The following SEC22B variants were observed in gnomAD, a reference collection of about 807,000 sequenced individuals.
The protein encoded by SEC22B is vesicle-trafficking protein SEC22b.
A neutral mutation model predicts 31.4 loss-of-function variants in SEC22B; 10 were observed. The ratio of observed to expected loss-of-function variants is 0.32; its 90% CI spans 0.20 to 0.54. SEC22B has a LOEUF of 0.54. Among genes scored for constraint, SEC22B ranks in the 20% least tolerant of loss-of-function variants. The pLI is 0.94. For synonymous variants in SEC22B, 60 were observed against 95.9 expected (o/e 0.63, Z 2.19); for missense variants, 130 against 263.4 (o/e 0.49, Z 3.50).
intron 2 of SEC22B, among the ~76,000 whole-genome samples, chr1:120,165,078 G>A (rs1470975399): frequency 2.0e-5 from 3 of 152,016 alleles, no homozygotes; most frequent in Non-Finnish European, 4.4e-5. Context: ...CATGTCTTTT[G>A]TCCATTTTTT....
At chr1:120,166,059 G>T (rs1657801954) in intron 2 of SEC22B, among the ~76,000 whole-genome samples, 5 of 150,944 alleles carry the variant, frequency 3.3e-5, no homozygotes, top group Admixed American at 3.3e-4. Flanking sequence ...CTAATCTTCA[G>T]GTAAATGTAA....
At chr1:120,170,957 A>T (rs1657886537) in intron 1 of SEC22B, among the ~76,000 whole-genome samples, 1 of 120,830 alleles carries the variant, frequency 8.3e-6, no homozygotes, top group East Asian at 2.1e-4. Flanking sequence ...TAATAAAATT[A>T]ATTTATTAAA....
intron 2 of SEC22B, among the ~76,000 whole-genome samples, chr1:120,167,810 T>G (rs1488345778): frequency 2.6e-5 from 4 of 152,192 alleles, no homozygotes; most frequent in Non-Finnish European, 5.9e-5. Flanking sequence ...AGAAAATCTC[T>G]TCTCAATTCC....
chr1:120,157,717 C>T (rs1406944525), intron 4 of SEC22B: 1 of 145,128 alleles, frequency 6.9e-6, no homozygotes, highest in East Asian at 2.0e-4. Context: ...ACTCAGATAA[C>T]CAGAAAATTC....
chr1:120,161,274 G>A (rs1357731247), intron 3 of SEC22B, among the ~76,000 whole-genome samples: 1 of 152,182 alleles, frequency 6.6e-6, no homozygotes, highest in Non-Finnish European at 1.5e-5. Context: ...AAGGGTTCAT[G>A]ATCATTAAAA....
chr1:120,168,602 T>C (rs1657848323), intron 2 of SEC22B, among the ~76,000 whole-genome samples: 1 of 150,914 alleles, frequency 6.6e-6, no homozygotes, highest in South Asian at 2.1e-4. Flanking sequence ...AGCAAGAAGT[T>C]ATCTATTATT....
At chr1:120,167,030 A>G (rs1363614188) in intron 2 of SEC22B, among the ~76,000 whole-genome samples, 1 of 147,728 alleles carries the variant, frequency 6.8e-6, no homozygotes, top group Non-Finnish European at 1.5e-5. Flanking sequence ...GAGGCATCCT[A>G]GGGCTCCATA....
chr1:120,176,326 G>C lies in SEC22B; in HGVS notation c.56C>G (p.Ser19Trp). ...RVADGLPLAA[S>W]MQEDEQSGRD... ...GCTCACCTGTTCGTCCTCCTGCATCGAGGCGGCCAGCGGGAGCCCGTCCGC... is the reference window on the plus strand; with the variant it reads ...GCTCACCTGTTCGTCCTCCTGCATCCAGGCGGCCAGCGGGAGCCCGTCCGC... Residue 19 changes from serine (S) to tryptophan (W), a missense_variant, in exon 1 of 5, where the codon TCG becomes TGG. Physicochemically the swap from Ser to Trp is radical, Grantham distance 177. Coordinates refer to ENST00000578049, the MANE Select transcript of SEC22B (RefSeq NM_004892.6). 5.6e-6 allele frequency: 9 copies of C among 1,612,004 alleles called. No homozygotes were observed. The highest frequency in any genetic ancestry group is 7.6e-6 in the Non-Finnish European group (9 of 1,179,670).
At chr1:120,163,571 C>CTTTTTTTTTTGTTTTTT (rs1213284888) in intron 2 of SEC22B, among the ~76,000 whole-genome samples, 4 of 102,584 alleles carry the variant, frequency 3.9e-5, no homozygotes, top group African/African-American at 3.3e-4. Flanking sequence ...GATGTATATT[C>CTTTTTTTTTTGTTTTTT]TTTTTTTTTT....
In SEC22B at chr1:120,160,897, C is replaced by CAA. The variant is rs1358538530; in HGVS notation, c.347-369_347-368dup. Among the ~76,000 whole-genome samples the CAA allele has an allele frequency of 9.4e-5, 13 of 137,950 alleles. 1 individual carries two copies. The highest frequency in any genetic ancestry group is 6.5e-4 in the Admixed American group (9 of 13,784). 90.5% of individuals were successfully genotyped at this position (137,950 alleles called of 152,430 possible). A position where few individuals can be genotyped will look rare whatever the true frequency, so the allele number is the denominator to read the frequency against. On this transcript the variant is annotated intron_variant, in intron 3 of 4. Coordinates refer to ENST00000578049, the MANE Select transcript of SEC22B (RefSeq NM_004892.6). ...ACAGAGCAAGACTCTGTCTCAAAAACAAAAAAAAAAAAACCAAAACAGTTC... is the reference window on the plus strand; with the variant it reads ...ACAGAGCAAGACTCTGTCTCAAAAACAAAAAAAAAAAAAAACCAAAACAGTTC...
chr1:120,164,056 T>C (rs1449091814), intron 2 of SEC22B, among the ~76,000 whole-genome samples: 5 of 144,688 alleles, frequency 3.5e-5, no homozygotes, highest in Non-Finnish European at 5.9e-5. Flanking sequence ...ACCTCCCAGG[T>C]TCAGGTGATT....
rs1657622293 is a variant in SEC22B, at chr1:120,155,971, G to C, written c.*1067C>G. 1 of 152,070 alleles carries C rather than the reference G, an allele frequency of 6.6e-6. No homozygotes were observed. Among genetic ancestry groups the C allele is most frequent in the African/African-American group, 2.4e-5 (1 of 41,432 alleles). The allele number at this position is 152,070 out of a possible 1,614,324, so 9.4% of individuals were successfully genotyped here. A position where few individuals can be genotyped will look rare whatever the true frequency, so the allele number is the denominator to read the frequency against. On this transcript the variant is annotated 3_prime_UTR_variant, in exon 5 of 5. Transcript: ENST00000578049. ...TTTTCTCAGGTAAATGTATTTAGTA[G>C]TTTGAGTAGTTGATCTGCAAAAACT...
Position 120,153,047 on chromosome 1 carries a change from C to T in SEC22B, c.*3991G>A, listed in dbSNP as rs587606147. On this transcript the variant is annotated 3_prime_UTR_variant, in exon 5 of 5. Coordinates refer to ENST00000578049, the MANE Select transcript of SEC22B (RefSeq NM_004892.6). ...TTTCTAGTGACTTTTCTAATCCAAA[C>T]ATGAATTGTTACAGTACTTGAAATA... 4 of 150,864 alleles carry T rather than the reference C, an allele frequency of 2.7e-5. No individual in the cohort carries two copies. The highest frequency in any genetic ancestry group is 9.9e-5 in the African/African-American group (4 of 40,448). The allele number at this position is 150,864 out of a possible 1,614,324, so 9.3% of individuals were successfully genotyped here.
At chr1:120,176,177 G>C in intron 1 of SEC22B, 130 bp downstream of exon 1, 1 of 730,718 alleles carries the variant, frequency 1.4e-6, no homozygotes, top group Admixed American at 2.5e-5. Flanking sequence ...AAAGATAAAA[G>C]CGCACTTCAG....
chr1:120,162,956 A>C (rs1485030330), intron 3 of SEC22B, among the ~76,000 whole-genome samples: 1 of 152,198 alleles, frequency 6.6e-6, no homozygotes, highest in African/African-American at 2.4e-5. Flanking sequence ...AGAAGAATCA[A>C]ACCAAATAAC....
Position 120,156,615 on chromosome 1 carries a change from A to AAAACC in SEC22B, c.*422_*423insGGTTT, listed in dbSNP as rs1657630166. ...TGTTGATTAGAGTCAAAAAAAAAAA[A>AAAACC]AAAAAAAAAAACACCTTCCCAAAGG... On this transcript the variant is annotated 3_prime_UTR_variant, in exon 5 of 5. Transcript: ENST00000578049. The AAAACC allele has an allele frequency of 7.2e-6, 1 of 139,386 alleles. No individual in the cohort carries two copies. Among genetic ancestry groups the AAAACC allele is most frequent in the African/African-American group, 2.9e-5 (1 of 34,480 alleles). 8.6% of individuals were successfully genotyped at this position (139,386 alleles called of 1,614,324 possible). A position where few individuals can be genotyped will look rare whatever the true frequency, so the allele number is the denominator to read the frequency against.
intron 1 of SEC22B, among the ~76,000 whole-genome samples, chr1:120,171,057 C>T (rs1352650195): frequency 8.5e-5 from 11 of 129,920 alleles, no homozygotes; most frequent in Non-Finnish European, 1.1e-4. Context: ...CAACATAGAT[C>T]GGTGATTTTC....
intron 2 of SEC22B, among the ~76,000 whole-genome samples, chr1:120,166,396 T>TACAC (rs1268229455): frequency 0.14 from 20,214 of 143,280 alleles, 755 homozygotes; most frequent in Admixed American, 0.16. Context: ...AAGTGTTTTT[T>TACAC]ACACACACAC....
chr1:120,153,390 T>C lies in SEC22B; in HGVS notation c.*3648A>G, dbSNP rs1657577900. On this transcript the variant is annotated 3_prime_UTR_variant, in exon 5 of 5. Transcript: ENST00000578049. ...ATGAAAGCTACCAATAAGGTGGAAATTTAAAATATGAGATATTTTATTATA... is the reference window on the plus strand; with the variant it reads ...ATGAAAGCTACCAATAAGGTGGAAACTTAAAATATGAGATATTTTATTATA... 1.3e-5 allele frequency: 2 copies of C among 151,708 alleles called. No individual in the cohort carries two copies. Among genetic ancestry groups the C allele is most frequent in the Non-Finnish European group, 2.9e-5 (2 of 67,952 alleles). 9.4% of individuals were successfully genotyped at this position (151,708 alleles called of 1,614,324 possible).
Sources: allele counts gnomAD v4.1 joint callset (sites outside exome capture counted in the v4.1 genomes callset), GRCh38; gene constraint gnomAD v4.1.1; transcripts MANE v1.5; gene names NCBI Gene and HGNC (gene_info 2026-07-23, HGNC 2026-07-21).